Variants in SCARA3 observed in about 807,000 individuals in gnomAD.
SCARA3 encodes cellular stress response gene protein.
In SCARA3, 39 loss-of-function variants were observed where a neutral mutation model predicts 47.0. That is an observed-to-expected ratio of 0.83 (90% CI 0.64 to 1.08). The LOEUF (loss-of-function observed/expected upper bound fraction) is 1.08, where lower values mean the gene tolerates loss of function less well. Among genes scored for constraint, SCARA3 ranks in the 50% least tolerant of loss-of-function variants. The pLI is 0.00. For synonymous variants in SCARA3, 356 were observed against 334.1 expected (o/e 1.07, Z -0.71); for missense variants, 724 against 792.3 (o/e 0.91, Z 1.04).
chr8:27,654,789 CA>C (rs539914704), intron 3 of SCARA3, among the ~76,000 whole-genome samples: 15,560 of 86,004 alleles, frequency 0.18, 960 homozygotes, highest in East Asian at 0.4. Flanking sequence ...GACTGTCTCA[CA>C]AAAAAAAAAA....
chr8:27,656,956 C>T, intron 4 of SCARA3, 76 bp downstream of exon 4: 1 of 918,460 alleles, frequency 1.1e-6, no homozygotes, highest in South Asian at 1.3e-5. Context: ...CGCTACAGTG[C>T]CCCAGCACCA....
chr8:27,676,844 C>T (rs905810862), downstream of SCARA3: 3 of 338,962 alleles, frequency 8.9e-6, no homozygotes, highest in South Asian at 1.3e-4. Context: ...AAACCCAACT[C>T]TGTTGCGTCC....
the SCARA3 span, among the ~76,000 whole-genome samples, chr8:27,725,981 C>T: frequency 2.6e-5 from 4 of 152,188 alleles, no homozygotes; most frequent in Non-Finnish European, 5.9e-5. Context: ...GTAGAAGTCA[C>T]TGTGAGTCAT....
At chr8:27,704,194 C>T in the SCARA3 span, among the ~76,000 whole-genome samples, 1 of 152,060 alleles carries the variant, frequency 6.6e-6, no homozygotes, top group East Asian at 1.9e-4. Flanking sequence ...GCCTATAATT[C>T]CAGTGCTTTG....
rs1440640733 is a variant in SCARA3, at chr8:27,656,814, ATCTCCTTGACCCAG to A, written c.263_276del (p.Ser88TyrfsTer3). On this transcript the variant is annotated frameshift_variant, in exon 4 of 6. Transcript: ENST00000301904. LOFTEE classifies it high-confidence loss of function. ...AAAAGTGGACTCTCTCTCCGAAGAC[ATCTCCTTGACCCAG>A]TCTATTTATGACAAGAAGCTTGTGT... 1 of 1,613,106 alleles carries A rather than the reference ATCTCCTTGACCCAG, an allele frequency of 6.2e-7. No homozygotes were observed. The highest frequency in any genetic ancestry group is 8.5e-7 in the Non-Finnish European group (1 of 1,179,122).
the SCARA3 span, among the ~76,000 whole-genome samples, chr8:27,693,908 A>G: frequency 2.6e-5 from 4 of 152,210 alleles, no homozygotes; most frequent in African/African-American, 9.6e-5. Flanking sequence ...CTACCCTTCC[A>G]GATAGAACCA....
chr8:27,713,097 G>A, the SCARA3 span, among the ~76,000 whole-genome samples: 2 of 152,174 alleles, frequency 1.3e-5, no homozygotes, highest in African/African-American at 4.8e-5. Context: ...CTCCATTTAG[G>A]TTTTGTTGTG....
downstream of SCARA3, chr8:27,676,801 G>T (rs1802284704): frequency 2.3e-6 from 1 of 440,518 alleles, no homozygotes. Context: ...TTACTAAGGG[G>T]GATGTGATTA....
the SCARA3 span, among the ~76,000 whole-genome samples, chr8:27,723,197 A>G: frequency 6.6e-6 from 1 of 152,300 alleles, no homozygotes; most frequent in East Asian, 1.9e-4. Flanking sequence ...GGAGCCCCTC[A>G]GCCCCTCTGA....
At chr8:27,724,976 G>A in the SCARA3 span, among the ~76,000 whole-genome samples, 1 of 152,130 alleles carries the variant, frequency 6.6e-6, no homozygotes, top group Non-Finnish European at 1.5e-5. Flanking sequence ...ATTACAATAA[G>A]ATTCCATGAA....
Position 27,670,993 on chromosome 8 carries a change from G to T in SCARA3, c.1463G>T (p.Ser488Ile), listed in dbSNP as rs150237631. The T allele has an allele frequency of 2.8e-4, 456 of 1,609,006 alleles. 1 individual carries two copies. The East Asian group carries it at 9.5e-3, about 34-fold the overall frequency. The stretch of plus-strand genomic sequence containing the variant: ...AGAGGCCCGAAAGGAGACCCCGGCA[G>T]CTTGGGCCCCCTGGGACCCCAGGGT... ...GGRGPKGDPG[S>I]LGPLGPQGPQ... The change falls in exon 6 of 6, where the codon AGC (serine) becomes ATC (isoleucine). Residue 488 changes from serine (S) to isoleucine (I), a missense_variant. By Grantham distance (142) the Ser-to-Ile change is moderately radical. Transcript: ENST00000301904.
intron 2 of SCARA3, among the ~76,000 whole-genome samples, chr8:27,650,333 G>T (rs910019535): frequency 7.2e-5 from 11 of 152,060 alleles, no homozygotes; most frequent in Admixed American, 2.0e-4. Context: ...CTGTCTCCTG[G>T]GGTCCTCCCG....
the SCARA3 span, among the ~76,000 whole-genome samples, chr8:27,724,307 G>A: frequency 5.8e-4 from 88 of 152,182 alleles, no homozygotes; most frequent in African/African-American, 2.0e-3. Flanking sequence ...GTTGTTTTTT[G>A]ACAACCATGT....
chr8:27,671,611 T>C lies in SCARA3; in HGVS notation c.*260T>C, dbSNP rs548598818. ...ATACACGCACATGCACACATACACA[T>C]GCATGCACACATACACAGGCATACA... is the stretch of plus-strand genomic sequence containing the variant. On this transcript the variant is annotated 3_prime_UTR_variant, in exon 6 of 6. Transcript: ENST00000301904. The C allele has an allele frequency of 8.3e-7, 1 of 1,198,334 alleles. No homozygotes were observed. Among genetic ancestry groups the C allele is most frequent in the Non-Finnish European group, 1.0e-6 (1 of 963,086 alleles). The allele number at this position is 1,198,334 out of a possible 1,614,324, so 74.2% of individuals were successfully genotyped here. A position where few individuals can be genotyped will look rare whatever the true frequency, so the allele number is the denominator to read the frequency against.
intron 1 of SCARA3, among the ~76,000 whole-genome samples, chr8:27,634,534 G>A (rs980340102): frequency 2.0e-5 from 3 of 152,146 alleles, no homozygotes; most frequent in African/African-American, 7.2e-5. Context: ...GGCATCACCA[G>A]CCCAACTTTC....
chr8:27,700,082 A>T, the SCARA3 span, among the ~76,000 whole-genome samples: 1 of 152,236 alleles, frequency 6.6e-6, no homozygotes, highest in African/African-American at 2.4e-5. Context: ...CTTAAAAAAT[A>T]CATAAGATAA....
Position 27,634,182 on chromosome 8 carries a change from G to T in SCARA3, c.-19G>T. 7.0e-7 allele frequency: 1 copy of T among 1,429,502 alleles called. No homozygotes were observed. Among genetic ancestry groups the T allele is most frequent in the South Asian group, 1.5e-5 (1 of 64,618 alleles). 88.6% of individuals were successfully genotyped at this position (1,429,502 alleles called of 1,614,324 possible). ...GCCGCCTGCAGCGGGGCCCTCCTGAGGCCCCAGAGGAAGAGACCATGAAAG... is the reference window on the plus strand; with the variant it reads ...GCCGCCTGCAGCGGGGCCCTCCTGATGCCCCAGAGGAAGAGACCATGAAAG... On this transcript the variant is annotated 5_prime_UTR_variant, in exon 1 of 6. The change creates a new upstream start codon in the 5' untranslated region. Transcript: ENST00000301904.
chr8:27,643,238 G>A (rs556773396), intron 1 of SCARA3, among the ~76,000 whole-genome samples: 91 of 152,330 alleles, frequency 6.0e-4, no homozygotes, highest in African/African-American at 2.2e-3. Context: ...GGATAAAGCA[G>A]GGATTTACCC....
chr8:27,667,952 G>T (rs867817739), intron 5 of SCARA3, among the ~76,000 whole-genome samples: 33 of 152,208 alleles, frequency 2.2e-4, no homozygotes, highest in Middle Eastern at 6.3e-3. Flanking sequence ...CTCCCATCTG[G>T]GTTCTCAGAG....
Sources: allele counts gnomAD v4.1 joint callset (sites outside exome capture counted in the v4.1 genomes callset), GRCh38; gene constraint gnomAD v4.1.1; transcripts MANE v1.5; gene names NCBI Gene and HGNC (gene_info 2026-07-23, HGNC 2026-07-21).